GLRX3: variants seen among roughly 807,000 people sequenced by gnomAD.
The protein encoded by GLRX3 is glutaredoxin-3.
GLRX3 carries 22 observed loss-of-function variants against 49.5 expected under a neutral mutation model. That is an observed-to-expected ratio of 0.44 (90% CI 0.32 to 0.63). GLRX3 has a LOEUF of 0.63. Among genes scored for constraint, GLRX3 ranks in the 30% least tolerant of loss-of-function variants. The pLI is 0.05. For missense variants in GLRX3, 385 were observed against 396.3 expected (o/e 0.97, Z 0.24); for synonymous variants, 133 against 140.0 (o/e 0.95, Z 0.35).
chr10:130,165,388 T>C (rs11017114), intron 4 of GLRX3, among the ~76,000 whole-genome samples: 10,966 of 152,124 alleles, frequency 0.072, 530 homozygotes, highest in Non-Finnish European at 0.11. Context: ...TCTTCAGTTA[T>C]AATGTCATAA....
At chr10:130,147,758 C>A (rs1862295745) in intron 2 of GLRX3, among the ~76,000 whole-genome samples, 1 of 152,180 alleles carries the variant, frequency 6.6e-6, no homozygotes, top group Admixed American at 6.5e-5. Context: ...GAGAGGCGTG[C>A]AGGCTGGGCG....
chr10:130,176,774 T>TTCTC (rs1554958610), intron 10 of GLRX3, among the ~76,000 whole-genome samples: 52 of 110,982 alleles, frequency 4.7e-4, no homozygotes, highest in East Asian at 2.1e-3. Flanking sequence ...CCCTCCCTCT[T>TTCTC]TCTCTCTCTC....
At chr10:130,164,538 A>AT (rs1447139584) in intron 4 of GLRX3, among the ~76,000 whole-genome samples, 1 of 152,214 alleles carries the variant, frequency 6.6e-6, no homozygotes, top group Non-Finnish European at 1.5e-5. Flanking sequence ...GCACCTATTC[A>AT]TGTCATGAGT....
rs555575000 is a variant in GLRX3, at chr10:130,179,535, T to C, written c.*143T>C. 4 of 630,130 alleles carry C rather than the reference T, an allele frequency of 6.3e-6. No homozygotes were observed. The highest frequency in any genetic ancestry group is 5.7e-5 in the South Asian group (3 of 52,784). The allele number at this position is 630,130 out of a possible 1,614,324, so 39.0% of individuals were successfully genotyped here. ...ATGTTTTGTGTATTTCACAATGTCG[T>C]GCTAAATAAATGTATGTTACATTTT... On this transcript the variant is annotated 3_prime_UTR_variant, in exon 11 of 11. Transcript: ENST00000331244.
In GLRX3 at chr10:130,139,104, G is replaced by A. The variant is rs537931223; in HGVS notation, c.92+2592G>A. ...TTGAACTCCTGACCTTAGGTGATGG[G>A]CCCGCTTCCCAGCGTGCTGGGATTA... On this transcript the variant is annotated intron_variant, in intron 1 of 10. Transcript: ENST00000331244. Among the ~76,000 whole-genome samples, 17 of 151,822 alleles carry A rather than the reference G, an allele frequency of 1.1e-4. 1 individual carries two copies. In the South Asian group the frequency reaches 3.5e-3, roughly 32 times the overall value.
intron 8 of GLRX3, 45 bp downstream of exon 8, chr10:130,171,681 C>T (rs772168611): frequency 3.0e-6 from 3 of 1,016,128 alleles, no homozygotes; most frequent in Non-Finnish European, 4.7e-6. Flanking sequence ...AAAATTCCAA[C>T]CTGGCCAGGC....
At chr10:130,152,745 A>G (rs1721640719) in intron 2 of GLRX3, among the ~76,000 whole-genome samples, 1 of 150,786 alleles carries the variant, frequency 6.6e-6, no homozygotes, top group Non-Finnish European at 1.5e-5. Flanking sequence ...TTTTTCCTTA[A>G]TTTCAACCTT....
chr10:130,151,934 ACT>A (rs1218893713), intron 2 of GLRX3, among the ~76,000 whole-genome samples: 4 of 151,746 alleles, frequency 2.6e-5, no homozygotes, highest in Admixed American at 2.0e-4. Context: ...ATGGGTCTTG[ACT>A]CTGTCCAATT....
intron 1 of GLRX3, among the ~76,000 whole-genome samples, chr10:130,142,683 A>G (rs930925681): frequency 1.3e-5 from 2 of 152,134 alleles, no homozygotes; most frequent in Admixed American, 1.3e-4. Flanking sequence ...TGCTTCTGCT[A>G]TTCCATTGAA....
chr10:130,150,756 C>G (rs1470795211), intron 2 of GLRX3, among the ~76,000 whole-genome samples: 1 of 152,030 alleles, frequency 6.6e-6, no homozygotes. Context: ...GGGCAATCTT[C>G]CGAAGGGTAC....
intron 10 of GLRX3, among the ~76,000 whole-genome samples, chr10:130,175,350 A>T (rs997926691): frequency 4.3e-4 from 66 of 152,038 alleles, no homozygotes; most frequent in African/African-American, 1.6e-3. Context: ...CTTCCCTGTC[A>T]CTCAGGGTCC....
Position 130,136,530 on chromosome 10 carries a change from C to T in GLRX3, c.92+18C>T. 10 of 1,260,820 alleles carry T rather than the reference C, an allele frequency of 7.9e-6. No homozygotes were observed. Among genetic ancestry groups the T allele is most frequent in the Non-Finnish European group, 1.0e-5 (10 of 996,378 alleles). 78.1% of individuals were successfully genotyped at this position (1,260,820 alleles called of 1,614,324 possible). A position where few individuals can be genotyped will look rare whatever the true frequency, so the allele number is the denominator to read the frequency against. On this transcript the variant is annotated intron_variant, in intron 1 of 10. Transcript: ENST00000331244. ...AAAGCCAAGTAAGCGGGGCGGCGAG[C>T]GGTAGGAGTGAGGAGCCGGAGCGGG...
chr10:130,138,418 C>T (rs914027467), intron 1 of GLRX3, among the ~76,000 whole-genome samples: 1 of 152,140 alleles, frequency 6.6e-6, no homozygotes, highest in African/African-American at 2.4e-5. Context: ...GCAAGTAGTA[C>T]TCTGATTTTG....
At position 130,179,358 on chromosome 10, in the gene GLRX3, G is replaced by A; in HGVS notation, c.974G>A (p.Gly325Asp). The change falls in exon 11 of 11, where the codon GGT becomes GAT. Residue 325 changes from glycine (G) to aspartate (D), a missense_variant. By Grantham distance (94) the Gly-to-Asp change is moderately conservative (BLOSUM62 -1). Coordinates refer to ENST00000331244, the MANE Select transcript of GLRX3 (RefSeq NM_006541.5). Reference sequence around the variant, plus strand: ...TATTTTTAGGAACTGAAAGAAAATGGTGAATTGCTGCCTATACTGAGAGGA... The same window carrying A: ...TATTTTTAGGAACTGAAAGAAAATGATGAATTGCTGCCTATACTGAGAGGA... ...LDIVKELKEN[G>D]ELLPILRGEN is the part of the protein sequence containing the mutation. 6.9e-7 allele frequency: 1 copy of A among 1,455,068 alleles called. No homozygotes were observed. Among genetic ancestry groups the A allele is most frequent in the Admixed American group, 1.9e-5 (1 of 52,848 alleles). The allele number at this position is 1,455,068 out of a possible 1,614,324, so 90.1% of individuals were successfully genotyped here.
Position 130,174,910 on chromosome 10 carries a change from A to C in GLRX3, c.864+4A>C. Reference sequence around the variant, plus strand: ...CGATATATTGGAGGATGAAGAAGTAAGTTCTGTGTTTGATGTTTCACCCTT... The same window carrying C: ...CGATATATTGGAGGATGAAGAAGTACGTTCTGTGTTTGATGTTTCACCCTT... On this transcript the variant is annotated splice_donor_region_variant and intron_variant, in intron 9 of 10. Coordinates refer to ENST00000331244, the MANE Select transcript of GLRX3 (RefSeq NM_006541.5). 1 of 1,597,588 alleles carries C rather than the reference A, an allele frequency of 6.3e-7. No individual in the cohort carries two copies. The highest frequency in any genetic ancestry group is 8.6e-7 in the Non-Finnish European group (1 of 1,164,974).
intron 4 of GLRX3, among the ~76,000 whole-genome samples, chr10:130,164,563 G>A (rs1473697951): frequency 6.6e-6 from 1 of 152,160 alleles, no homozygotes. Flanking sequence ...ATGACTGGGG[G>A]TGGAAATGGG....
chr10:130,141,693 C>T (rs775779718), intron 1 of GLRX3, among the ~76,000 whole-genome samples: 8 of 152,350 alleles, frequency 5.3e-5, no homozygotes, highest in South Asian at 2.1e-4. Context: ...GAATGTCTAT[C>T]ACTTTCTCCT....
At chr10:130,150,080 T>A (rs1862344221) in intron 2 of GLRX3, among the ~76,000 whole-genome samples, 1 of 150,424 alleles carries the variant, frequency 6.6e-6, no homozygotes, top group African/African-American at 2.4e-5. Flanking sequence ...CTACTAAAAA[T>A]ACAAAAAAAA....
chr10:130,138,847 GTT>G (rs61152449), intron 1 of GLRX3, among the ~76,000 whole-genome samples: 13 of 95,014 alleles, frequency 1.4e-4, no homozygotes, highest in South Asian at 3.8e-4. Context: ...GAATAAAAGT[GTT>G]TTTTTTTTTT....
Sources: gnomAD v4.1 joint callset for allele counts (sites outside exome capture counted in the v4.1 genomes callset) on GRCh38, gnomAD v4.1.1 for gene constraint, MANE v1.5 for transcripts, NCBI Gene and HGNC (gene_info 2026-07-23, HGNC 2026-07-21) for gene names.